Variants in ACSS3 observed in about 807,000 individuals in gnomAD.
The protein encoded by ACSS3 is acyl-CoA synthetase short chain family member 3.
In ACSS3, 64 loss-of-function variants were observed where a neutral mutation model predicts 84.2. The observed-to-expected ratio is 0.76, with a 90% CI of 0.62 to 0.94. The LOEUF (loss-of-function observed/expected upper bound fraction) is 0.94, where lower values mean the gene tolerates loss of function less well. ACSS3 is among the 40% of genes least tolerant of loss of function. The pLI is 0.00. For missense variants in ACSS3, 815 were observed against 867.6 expected (o/e 0.94, Z 0.76); for synonymous variants, 317 against 310.1 (o/e 1.02, Z -0.23).
chr12:81,252,086 C>T (rs2034171816), intron 13 of ACSS3, among the ~76,000 whole-genome samples: 1 of 152,026 alleles, frequency 6.6e-6, no homozygotes, highest in South Asian at 2.1e-4. Flanking sequence ...TGAAGTCCTT[C>T]CCCAGGGTTT....
intron 13 of ACSS3, among the ~76,000 whole-genome samples, chr12:81,234,394 A>G (rs766887654): frequency 2.0e-5 from 3 of 151,302 alleles, no homozygotes; most frequent in Non-Finnish European, 3.0e-5. Flanking sequence ...AAAATATTTT[A>G]TTTCTCTAGG....
intron 7 of ACSS3, among the ~76,000 whole-genome samples, chr12:81,157,670 G>A (rs1593139995): frequency 6.6e-6 from 1 of 152,150 alleles, no homozygotes; most frequent in South Asian, 2.1e-4. Flanking sequence ...AGCCAGGCAT[G>A]GTGGTGCGCA....
chr12:81,188,468 G>T (rs2135864377), intron 8 of ACSS3, among the ~76,000 whole-genome samples: 1 of 152,120 alleles, frequency 6.6e-6, no homozygotes, highest in Admixed American at 6.6e-5. Context: ...TCAAGAAATA[G>T]CACATATCCT....
At chr12:81,229,885 A>T (rs2033397119) in intron 11 of ACSS3, among the ~76,000 whole-genome samples, 1 of 131,426 alleles carries the variant, frequency 7.6e-6, no homozygotes, top group Non-Finnish European at 1.9e-5. Flanking sequence ...TGGGCTGCCC[A>T]AAGAGGCATC....
chr12:81,257,625 A>G lies in ACSS3; in HGVS notation c.*2703A>G, dbSNP rs930391094. 7 of 152,122 alleles carry G rather than the reference A, an allele frequency of 4.6e-5. No homozygotes were observed. The East Asian group carries it at 1.3e-3, about 29-fold the overall frequency. The allele number at this position is 152,122 out of a possible 1,614,324, so 9.4% of individuals were successfully genotyped here. A position where few individuals can be genotyped will look rare whatever the true frequency, so the allele number is the denominator to read the frequency against. On this transcript the variant is annotated 3_prime_UTR_variant, in exon 16 of 16. Coordinates refer to ENST00000548058, the MANE Select transcript of ACSS3 (RefSeq NM_024560.4). ...TGAATTACTTTGCTTGTGAAAATAT[A>G]TTAAACATATTTAAATGAGACCTAT... is the stretch of plus-strand genomic sequence containing the variant.
At chr12:81,239,735 G>A (rs1389976481) in intron 13 of ACSS3, among the ~76,000 whole-genome samples, 1 of 151,888 alleles carries the variant, frequency 6.6e-6, no homozygotes, top group Non-Finnish European at 1.5e-5. Context: ...GGGAATTATG[G>A]AAGCCACAAT....
At chr12:81,226,013 C>T (rs1357149356) in intron 11 of ACSS3, among the ~76,000 whole-genome samples, 1 of 151,906 alleles carries the variant, frequency 6.6e-6, no homozygotes, top group African/African-American at 2.4e-5. Context: ...ACATATACAT[C>T]TCCTTCCAAT....
chr12:81,097,915 G>A (rs911786540), intron 1 of ACSS3, among the ~76,000 whole-genome samples: 2 of 152,128 alleles, frequency 1.3e-5, no homozygotes, highest in African/African-American at 4.8e-5. Flanking sequence ...GGATGTAGTA[G>A]GTCCTTGAAT....
intron 7 of ACSS3, among the ~76,000 whole-genome samples, chr12:81,164,815 A>G (rs1282346556): frequency 6.6e-6 from 1 of 152,156 alleles, no homozygotes; most frequent in Non-Finnish European, 1.5e-5. Flanking sequence ...TAATTTGTTT[A>G]TTCCTTTTTC....
chr12:81,221,302 C>T (rs930539648), intron 11 of ACSS3, among the ~76,000 whole-genome samples: 1 of 151,968 alleles, frequency 6.6e-6, no homozygotes, highest in Non-Finnish European at 1.5e-5. Context: ...GATTGAGCTA[C>T]TATAAATACA....
intron 13 of ACSS3, among the ~76,000 whole-genome samples, chr12:81,239,063 A>G (rs768444298): frequency 6.6e-5 from 10 of 151,770 alleles, no homozygotes; most frequent in African/African-American, 9.7e-5. Flanking sequence ...TATAATTTTC[A>G]TTTAGTTAAA....
chr12:81,175,410 A>G (rs1425658279), intron 8 of ACSS3, among the ~76,000 whole-genome samples: 1 of 152,220 alleles, frequency 6.6e-6, no homozygotes, highest in Non-Finnish European at 1.5e-5. Flanking sequence ...TAAACACAGA[A>G]TAATAGTGGG....
chr12:81,243,970 A>T (rs531360329), intron 13 of ACSS3, among the ~76,000 whole-genome samples: 3 of 152,228 alleles, frequency 2.0e-5, no homozygotes, highest in African/African-American at 2.4e-5. Context: ...TCTGACGTAT[A>T]TTATTTTCCA....
Position 81,254,912 on chromosome 12 carries a change from A to C in ACSS3, c.2051A>C (p.Lys684Thr), listed in dbSNP as rs2034256857. The change falls in exon 16 of 16, where the codon AAG becomes ACG. Residue 684 changes from lysine (K) to threonine (T), a missense_variant. By Grantham distance (78) the Lys-to-Thr change is moderately conservative. Transcript: ENST00000548058. ...SIFGHVEEML[K>T]QA The stretch of plus-strand genomic sequence containing the variant: ...TTTGGCCACGTAGAAGAAATGCTGA[A>C]GCAAGCATAATGAGTTTGTCTTATT... 3 of 1,605,152 alleles carry C rather than the reference A, an allele frequency of 1.9e-6. No homozygotes were observed. The highest frequency in any genetic ancestry group is 2.7e-5 in the African/African-American group (2 of 74,546).
At chr12:81,197,476 A>G (rs1289344688) in intron 8 of ACSS3, among the ~76,000 whole-genome samples, 1 of 152,034 alleles carries the variant, frequency 6.6e-6, no homozygotes, top group African/African-American at 2.4e-5. Context: ...ATCTCTTTGT[A>G]ATACCCTCTC....
rs1378767871 is a variant in ACSS3, at chr12:81,220,685, T to C, written c.1514+609T>C. 6.6e-5 allele frequency among the ~76,000 whole-genome samples: 10 copies of C among 152,074 alleles called. No individual in the cohort carries two copies. In the East Asian group the frequency reaches 1.9e-3, roughly 29 times the overall value. On this transcript the variant is annotated intron_variant, in intron 11 of 15. Coordinates refer to ENST00000548058, the MANE Select transcript of ACSS3 (RefSeq NM_024560.4). ...TAGCTCTCAGTTATAAAAGATAACA[T>C]GCAGTATTTGATTTTCAGTTTCTGA...
intron 2 of ACSS3, among the ~76,000 whole-genome samples, chr12:81,115,153 G>A (rs1211341787): frequency 2.6e-5 from 4 of 152,104 alleles, no homozygotes; most frequent in African/African-American, 4.8e-5. Flanking sequence ...CACAAATTTT[G>A]TTGACAATAT....
intron 13 of ACSS3, among the ~76,000 whole-genome samples, chr12:81,251,250 A>G (rs940210963): frequency 1.3e-5 from 2 of 152,194 alleles, no homozygotes; most frequent in South Asian, 4.1e-4. Flanking sequence ...AGCAGAGCAC[A>G]GGGAGTATTT....
At chr12:81,193,131 AAT>A (rs567145057) in intron 8 of ACSS3, among the ~76,000 whole-genome samples, 84 of 152,310 alleles carry the variant, frequency 5.5e-4, no homozygotes, top group Non-Finnish European at 9.7e-4. Context: ...ATGGGGAGCA[AAT>A]AGAAGAAAAT....
Sources: gnomAD v4.1 joint callset for allele counts (sites outside exome capture counted in the v4.1 genomes callset) on GRCh38, gnomAD v4.1.1 for gene constraint, MANE v1.5 for transcripts, NCBI Gene and HGNC (gene_info 2026-07-23, HGNC 2026-07-21) for gene names.